KCNK13: variants seen among roughly 807,000 people sequenced by gnomAD.
KCNK13 encodes the protein potassium channel subfamily K member 13.
KCNK13 carries 12 observed loss-of-function variants against 23.4 expected under a neutral mutation model. The observed-to-expected ratio is 0.51, with a 90% CI of 0.33 to 0.83. The LOEUF (loss-of-function observed/expected upper bound fraction) is 0.83, where lower values mean the gene tolerates loss of function less well. KCNK13 is among the 40% of genes least tolerant of loss of function. The pLI is 0.02. For synonymous variants in KCNK13, 231 were observed against 229.5 expected (o/e 1.01, Z -0.06); for missense variants, 463 against 556.3 (o/e 0.83, Z 1.69).
At chr14:90,172,791 A>G (rs543378019) in intron 1 of KCNK13, among the ~76,000 whole-genome samples, 2 of 152,234 alleles carry the variant, frequency 1.3e-5, no homozygotes, top group Non-Finnish European at 2.9e-5. Flanking sequence ...ACTATTAAGC[A>G]CGATCAACAT....
chr14:90,165,476 G>T (rs1890292739), intron 1 of KCNK13, among the ~76,000 whole-genome samples: 1 of 152,168 alleles, frequency 6.6e-6, no homozygotes, highest in African/African-American at 2.4e-5. Flanking sequence ...TAAAGACATA[G>T]TCATCATTCT....
intron 1 of KCNK13, among the ~76,000 whole-genome samples, chr14:90,085,570 A>T (rs1359043901): frequency 6.6e-6 from 1 of 150,694 alleles, no homozygotes; most frequent in Non-Finnish European, 1.5e-5. Context: ...GAAGCAGGAG[A>T]ATCATTTGAA....
At chr14:90,136,441 C>G (rs1889937373) in intron 1 of KCNK13, among the ~76,000 whole-genome samples, 1 of 151,606 alleles carries the variant, frequency 6.6e-6, no homozygotes, top group African/African-American at 2.4e-5. Context: ...AATAAGGACC[C>G]CAAGGAAGGC....
intron 1 of KCNK13, among the ~76,000 whole-genome samples, chr14:90,130,701 C>T (rs896647794): frequency 6.6e-6 from 1 of 151,994 alleles, no homozygotes; most frequent in African/African-American, 2.4e-5. Flanking sequence ...GTAAGCCCAG[C>T]TACTTGGGAG....
At chr14:90,091,686 A>T (rs764207396) in intron 1 of KCNK13, among the ~76,000 whole-genome samples, 2 of 151,692 alleles carry the variant, frequency 1.3e-5, no homozygotes, top group African/African-American at 2.4e-5. Context: ...GGTAAAAGAC[A>T]TGCCAATACC....
At chr14:90,068,923 G>A (rs562987725) in intron 1 of KCNK13, among the ~76,000 whole-genome samples, 30 of 152,232 alleles carry the variant, frequency 2.0e-4, no homozygotes, top group African/African-American at 6.7e-4. Flanking sequence ...GGGATGTGCC[G>A]GGCTCAGGCT....
intron 1 of KCNK13, among the ~76,000 whole-genome samples, chr14:90,075,529 A>T (rs981762522): frequency 5.3e-5 from 8 of 151,998 alleles, no homozygotes; most frequent in African/African-American, 1.7e-4. Flanking sequence ...CCCAGGCTGG[A>T]GTGCAGTGGC....
rs538269862 is a variant in KCNK13, at chr14:90,184,798, G to A, written c.1022G>A (p.Arg341Gln). ...GCAGAGAGTGACACGGACGGGCGCC[G>A]GCTCTCAGGGGAGATGATCTCCATG... ...GVAESDTDGR[R>Q]LSGEMISMKD... The change falls in exon 2 of 2, where the codon CGG becomes CAG. Residue 341 changes from arginine (R) to glutamine (Q), a missense_variant. Coordinates refer to ENST00000282146, the MANE Select transcript of KCNK13 (RefSeq NM_022054.4). This position sits in a 1 kb window ranked among gnomAD's most constrained non-coding sequence, Gnocchi z 5.6. 2.9e-5 allele frequency: 46 copies of A among 1,612,246 alleles called. No individual in the cohort carries two copies. Among genetic ancestry groups the A allele is most frequent in the South Asian group, 2.6e-4 (24 of 91,062 alleles).
intron 1 of KCNK13, among the ~76,000 whole-genome samples, chr14:90,108,708 C>T (rs911551083): frequency 1.3e-5 from 2 of 152,180 alleles, no homozygotes; most frequent in African/African-American, 4.8e-5. Flanking sequence ...AGGCTGTGGT[C>T]GTGTAGAACA....
intron 1 of KCNK13, among the ~76,000 whole-genome samples, chr14:90,153,536 G>T (rs1890159954): frequency 6.6e-6 from 1 of 152,156 alleles, no homozygotes. Flanking sequence ...CCTTATTTAT[G>T]AGTCTATTTT....
chr14:90,127,818 A>T (rs1010098115), intron 1 of KCNK13, among the ~76,000 whole-genome samples: 3 of 27,608 alleles, frequency 1.1e-4, no homozygotes, highest in African/African-American at 1.6e-4. Context: ...GATGCTATCT[A>T]AAAAAAAAAA....
intron 1 of KCNK13, among the ~76,000 whole-genome samples, chr14:90,081,758 C>T (rs1803284658): frequency 6.6e-6 from 1 of 152,084 alleles, no homozygotes; most frequent in Non-Finnish European, 1.5e-5. Context: ...ATGGTTTGTC[C>T]CCACGATAAC....
At chr14:90,166,665 C>T (rs1470908248) in intron 1 of KCNK13, among the ~76,000 whole-genome samples, 3 of 150,912 alleles carry the variant, frequency 2.0e-5, no homozygotes, top group East Asian at 3.9e-4. Context: ...AAGATCACAC[C>T]ACTGCACCCT....
At position 90,102,601 on chromosome 14, in the gene KCNK13, C is replaced by G. The variant is rs932959083; in HGVS notation, c.334+40062C>G. Reference sequence around the variant, plus strand: ...GAGAGTAGAGTCTCTCCCATGACCCCCTATGAAATTCCTCCCATTATTCCT... The same window carrying G: ...GAGAGTAGAGTCTCTCCCATGACCCGCTATGAAATTCCTCCCATTATTCCT... On this transcript the variant is annotated intron_variant, in intron 1 of 1. Coordinates refer to ENST00000282146, the MANE Select transcript of KCNK13 (RefSeq NM_022054.4). 1.7e-4 allele frequency among the ~76,000 whole-genome samples: 26 copies of G among 152,220 alleles called. No individual in the cohort carries two copies. In the South Asian group the frequency reaches 5.4e-3, roughly 32 times the overall value.
intron 1 of KCNK13, among the ~76,000 whole-genome samples, chr14:90,082,078 T>A (rs183331375): frequency 2.7e-4 from 41 of 152,336 alleles, no homozygotes; most frequent in Non-Finnish European, 4.9e-4. Context: ...GTTTTCTTTT[T>A]CAAAACAGAG....
intron 1 of KCNK13, among the ~76,000 whole-genome samples, chr14:90,072,557 G>C (rs1288056527): frequency 2.0e-5 from 3 of 152,190 alleles, no homozygotes; most frequent in African/African-American, 7.2e-5. Flanking sequence ...GGAGCGCATA[G>C]CATCGCTCTT....
At chr14:90,097,678 C>G (rs980454099) in intron 1 of KCNK13, among the ~76,000 whole-genome samples, 3 of 152,182 alleles carry the variant, frequency 2.0e-5, no homozygotes, top group Admixed American at 2.0e-4. Flanking sequence ...AGCTGCAGCA[C>G]GCAGAGGCTC....
intron 1 of KCNK13, among the ~76,000 whole-genome samples, chr14:90,109,182 A>AC (rs1464333607): frequency 2.0e-5 from 3 of 151,798 alleles, no homozygotes; most frequent in African/African-American, 7.3e-5. Context: ...GTCTCAAAAA[A>AC]AAAAAAAAGA....
intron 1 of KCNK13, among the ~76,000 whole-genome samples, chr14:90,143,813 A>G (rs1185524172): frequency 6.6e-6 from 1 of 152,196 alleles, no homozygotes; most frequent in East Asian, 1.9e-4. Flanking sequence ...TGGCTCCAGC[A>G]TGGTGTTTGC....
Sources: gnomAD v4.1 joint callset for allele counts (sites outside exome capture counted in the v4.1 genomes callset) on GRCh38, gnomAD v4.1.1 for gene constraint, Gnocchi (gnomAD v3.1) non-coding constraint, MANE v1.5 for transcripts, NCBI Gene and HGNC (gene_info 2026-07-23, HGNC 2026-07-21) for gene names.